The following SCN11A variants were observed in gnomAD, a reference collection of about 807,000 sequenced individuals.
The protein encoded by SCN11A is sodium channel protein type 11 subunit alpha.
A neutral mutation model predicts 162.2 loss-of-function variants in SCN11A; 122 were observed. That is an observed-to-expected ratio of 0.75 (90% confidence interval 0.65 to 0.87). SCN11A has a LOEUF of 0.87. SCN11A is among the 40% of genes least tolerant of loss of function. SCN11A has a pLI of 0.00. For missense variants in SCN11A, 2,015 were observed against 2,181.6 expected (o/e 0.92, Z 1.52); for synonymous variants, 758 against 751.5 (o/e 1.01, Z -0.14).
intron 28 of SCN11A, among the ~76,000 whole-genome samples, chr3:38,853,860 C>T (rs534229622): frequency 6.6e-6 from 1 of 152,314 alleles, no homozygotes; most frequent in South Asian, 2.1e-4. Flanking sequence ...TATTGTACTA[C>T]TTTATAACCC....
At chr3:38,871,953 G>A (rs897803545) in intron 24 of SCN11A, among the ~76,000 whole-genome samples, 2 of 152,104 alleles carry the variant, frequency 1.3e-5, no homozygotes, top group East Asian at 1.9e-4. Flanking sequence ...GAGACTTATG[G>A]ACACCTACCC....
chr3:38,981,718 G>C (rs1457059489), intron 2 of SCN11A, among the ~76,000 whole-genome samples: 1 of 152,052 alleles, frequency 6.6e-6, no homozygotes, highest in African/African-American at 2.4e-5. Context: ...AAAAACATAA[G>C]GGAGAGCCTG....
intron 1 of SCN11A, among the ~76,000 whole-genome samples, chr3:39,051,359 T>C (rs1334889352): frequency 6.6e-6 from 1 of 152,168 alleles, no homozygotes; most frequent in Non-Finnish European, 1.5e-5. Flanking sequence ...CTCCCACTTA[T>C]AAGTGAGAAC....
At chr3:38,928,487 T>C (rs2066178960) in intron 7 of SCN11A, among the ~76,000 whole-genome samples, 1 of 152,138 alleles carries the variant, frequency 6.6e-6, no homozygotes, top group Admixed American at 6.5e-5. Context: ...CATACAGCTA[T>C]GTAACAAACC....
At chr3:38,986,852 C>T (rs755013528) in intron 2 of SCN11A, among the ~76,000 whole-genome samples, 3 of 152,178 alleles carry the variant, frequency 2.0e-5, no homozygotes, top group Admixed American at 6.5e-5. Context: ...GAGGTTTGTA[C>T]TGAGTCTCTT....
At chr3:39,046,303 AAGGGAGGG>A (rs932898267) in intron 1 of SCN11A, among the ~76,000 whole-genome samples, 10 of 128,416 alleles carry the variant, frequency 7.8e-5, no homozygotes, top group East Asian at 2.8e-4. Context: ...GGGAGGGAGG[AAGGGAGGG>A]AGGGAGGGAG....
intron 16 of SCN11A, among the ~76,000 whole-genome samples, chr3:38,902,889 CA>C (rs2065726445): frequency 6.6e-6 from 1 of 151,258 alleles, no homozygotes; most frequent in Non-Finnish European, 1.5e-5. Context: ...AAAAAAATGC[CA>C]AAAAAGGAGA....
chr3:38,978,780 C>T (rs73070504), intron 2 of SCN11A, among the ~76,000 whole-genome samples: 20,523 of 152,194 alleles, frequency 0.13, 1,642 homozygotes, highest in East Asian at 0.24. Flanking sequence ...GTGGACCCAG[C>T]GTGCTTTGGC....
intron 2 of SCN11A, among the ~76,000 whole-genome samples, chr3:38,964,012 A>T (rs906837709): frequency 1.3e-5 from 2 of 152,234 alleles, no homozygotes; most frequent in Non-Finnish European, 2.9e-5. Context: ...TAAAGACTTA[A>T]GTGACAAAGA....
At chr3:38,887,477 C>T (rs1382945226) in intron 19 of SCN11A, among the ~76,000 whole-genome samples, 2 of 149,334 alleles carry the variant, frequency 1.3e-5, no homozygotes, top group African/African-American at 2.5e-5. Flanking sequence ...AGGAGATATA[C>T]CTAATGCTAA....
chr3:39,036,804 G>A (rs577476469), intron 1 of SCN11A, among the ~76,000 whole-genome samples: 1 of 152,268 alleles, frequency 6.6e-6, no homozygotes, highest in South Asian at 2.1e-4. Flanking sequence ...CAGTTAAAAT[G>A]GCTTTTATCC....
intron 21 of SCN11A, among the ~76,000 whole-genome samples, chr3:38,884,355 C>T (rs1472032584): frequency 6.6e-6 from 1 of 152,210 alleles, no homozygotes; most frequent in African/African-American, 2.4e-5. Flanking sequence ...TACTGGAAAT[C>T]CTTAATCCAA....
In SCN11A at chr3:39,030,434, T is replaced by C. The variant is rs550758367; in HGVS notation, c.-280+1946A>G. On this transcript the variant is annotated intron_variant, in intron 2 of 29. Transcript: ENST00000302328. ...ACCATATTTCTGACACCCTAAGGCA[T>C]CTCAGCCCTAACCACTATGGCCTGA... Among the ~76,000 whole-genome samples the C allele has an allele frequency of 3.8e-4, 58 of 152,252 alleles. 2 individuals are homozygous for C. In the South Asian group the frequency reaches 0.012, roughly 32 times the overall value.
intron 28 of SCN11A, among the ~76,000 whole-genome samples, chr3:38,855,146 G>A (rs11715722): frequency 6.6e-6 from 1 of 152,126 alleles, no homozygotes; most frequent in Non-Finnish European, 1.5e-5. Flanking sequence ...AGATCCCTGA[G>A]TAGGCTGCCT....
At chr3:38,903,293 TC>T (rs1452206566) in intron 16 of SCN11A, among the ~76,000 whole-genome samples, 1 of 152,056 alleles carries the variant, frequency 6.6e-6, no homozygotes, top group Non-Finnish European at 1.5e-5. Flanking sequence ...AAAAGTCTGC[TC>T]CCCTTAGTTT....
intron 20 of SCN11A, 132 bp downstream of exon 20, chr3:38,885,993 C>G (rs960042296): frequency 8.4e-6 from 5 of 595,780 alleles, no homozygotes; most frequent in Middle Eastern, 4.6e-4. Context: ...GAAACCTGGC[C>G]TAGACTTTTG....
At chr3:39,051,513 C>T (rs1016924784) in intron 1 of SCN11A, among the ~76,000 whole-genome samples, 4 of 152,162 alleles carry the variant, frequency 2.6e-5, no homozygotes. Flanking sequence ...TCTTTGCTCC[C>T]CCTGAAGATG....
At chr3:39,048,696 A>G (rs2032244434) in intron 1 of SCN11A, among the ~76,000 whole-genome samples, 1 of 152,242 alleles carries the variant, frequency 6.6e-6, no homozygotes, top group African/African-American at 2.4e-5. Flanking sequence ...TGATGGCCTT[A>G]GTAACTAAGT....
chr3:38,930,786 C>A (rs1199188790), intron 7 of SCN11A, among the ~76,000 whole-genome samples: 1 of 152,270 alleles, frequency 6.6e-6, no homozygotes, highest in East Asian at 1.9e-4. Flanking sequence ...TTTTAACAGC[C>A]TCCTCCCACC....
Sources: allele counts gnomAD v4.1 joint callset (sites outside exome capture counted in the v4.1 genomes callset), GRCh38; gene constraint gnomAD v4.1.1; transcripts MANE v1.5; gene names NCBI Gene and HGNC (gene_info 2026-07-23, HGNC 2026-07-21).